Variants in CPE observed in about 807,000 individuals in gnomAD.
The protein encoded by CPE is carboxypeptidase E, also known as carbocypeptidase E.
Under a neutral mutation model 53.5 loss-of-function variants are expected in CPE, and 17 were observed. The observed-to-expected ratio is 0.32, with a 90% CI of 0.22 to 0.48. CPE has a LOEUF of 0.48. Ranked by LOEUF, CPE falls within the 20% of genes least tolerant of loss-of-function variation. CPE has a pLI of 0.99. For missense variants in CPE, 524 were observed against 614.7 expected, an observed-to-expected ratio of 0.85 and a Z score of 1.56; for synonymous variants, 226 against 228.8, an observed-to-expected ratio of 0.99 and a Z score of 0.11.
chr4:165,495,662 C>T lies in CPE; in HGVS notation c.1317C>T (p.Tyr439=), dbSNP rs1389518362. ...TAACAAAGAAAGTGGCAGTTCCTTA[C>T]AGCCCTGCTGCTGGGGTAAGTAATC... ...LAITKKVAVP[Y]SPAAGVDFEL... The change falls in exon 8 of 9, where the codon TAC becomes TAT. Residue 439 remains tyrosine, a synonymous_variant. Coordinates refer to ENST00000402744, the MANE Select transcript of CPE (RefSeq NM_001873.4). 7 of 1,610,600 alleles carry T rather than the reference C, an allele frequency of 4.3e-6. No homozygotes were observed. The highest frequency in any genetic ancestry group is 5.9e-6 in the Non-Finnish European group (7 of 1,177,676).
intron 6 of CPE, 59 bp from the exon 7 acceptor site, chr4:165,493,112 G>A (rs1194995386): frequency 1.9e-6 from 2 of 1,060,590 alleles, no homozygotes; most frequent in Non-Finnish European, 1.4e-6. Context: ...ACATATTTAA[G>A]GCCATTTCTA....
At chr4:165,434,134 C>G (rs753278993) in intron 1 of CPE, among the ~76,000 whole-genome samples, 1 of 150,704 alleles carries the variant, frequency 6.6e-6, no homozygotes, top group Non-Finnish European at 1.5e-5. Flanking sequence ...TCATTTATCT[C>G]AACTTTTTAA....
chr4:165,447,295 G>C (rs1459180382), intron 1 of CPE, among the ~76,000 whole-genome samples: 1 of 152,154 alleles, frequency 6.6e-6, no homozygotes, highest in Non-Finnish European at 1.5e-5. Flanking sequence ...TTATGGCCAG[G>C]AGTGGTGGCT....
At chr4:165,468,672 C>G (rs1041403109) in intron 3 of CPE, among the ~76,000 whole-genome samples, 2 of 152,142 alleles carry the variant, frequency 1.3e-5, no homozygotes, top group African/African-American at 4.8e-5. Context: ...AACTCATTCC[C>G]CTGCCTCAGC....
intron 1 of CPE, chr4:165,415,059 C>A (rs1341544639): frequency 6.1e-6 from 1 of 163,178 alleles, no homozygotes; most frequent in Non-Finnish European, 1.5e-5. Flanking sequence ...AATTTATCTC[C>A]TCCTTAGCCT....
chr4:165,414,362 A>G (rs2126669538), intron 1 of CPE, among the ~76,000 whole-genome samples: 1 of 152,344 alleles, frequency 6.6e-6, no homozygotes, highest in East Asian at 1.9e-4. Flanking sequence ...GATAAATAGG[A>G]TGATCTGCTT....
chr4:165,479,908 C>T (rs892377533), intron 3 of CPE, among the ~76,000 whole-genome samples: 2 of 150,118 alleles, frequency 1.3e-5, no homozygotes, highest in Non-Finnish European at 1.5e-5. Context: ...AGGAGAATGG[C>T]GTGAACCCGG....
chr4:165,488,470 T>C (rs1732545888), intron 6 of CPE, among the ~76,000 whole-genome samples: 1 of 152,142 alleles, frequency 6.6e-6, no homozygotes, highest in African/African-American at 2.4e-5. Flanking sequence ...ACCCCCTGCA[T>C]AGTATGTAGA....
At chr4:165,442,680 CG>C (rs751159371) in intron 1 of CPE, among the ~76,000 whole-genome samples, 15 of 152,096 alleles carry the variant, frequency 9.9e-5, no homozygotes, top group Non-Finnish European at 2.2e-4. Flanking sequence ...TGTTATTTCC[CG>C]GGACAGTACA....
intron 1 of CPE, among the ~76,000 whole-genome samples, chr4:165,414,062 T>A (rs1420590896): frequency 1.3e-5 from 2 of 152,204 alleles, no homozygotes; most frequent in Non-Finnish European, 1.5e-5. Flanking sequence ...TTGTTATTTT[T>A]CTCAAAAGAT....
At chr4:165,494,827 A>G (rs1005560685) in intron 7 of CPE, among the ~76,000 whole-genome samples, 4 of 152,172 alleles carry the variant, frequency 2.6e-5, no homozygotes, top group African/African-American at 7.2e-5. Context: ...TTGCAATGAA[A>G]TAAGATGTAA....
chr4:165,417,054 A>T (rs532167218), intron 1 of CPE, among the ~76,000 whole-genome samples: 18 of 152,274 alleles, frequency 1.2e-4, no homozygotes, highest in African/African-American at 4.1e-4. Context: ...TTTACAAAAG[A>T]TGCAAATAAA....
intron 1 of CPE, among the ~76,000 whole-genome samples, chr4:165,423,732 C>T (rs1263361140): frequency 1.3e-5 from 2 of 151,338 alleles, no homozygotes; most frequent in African/African-American, 2.4e-5. Flanking sequence ...CATGCTGGTG[C>T]GCTGCACCCA....
At chr4:165,469,092 CATTTCAGTGTA>C (rs765918023) in intron 3 of CPE, among the ~76,000 whole-genome samples, 20 of 152,118 alleles carry the variant, frequency 1.3e-4, no homozygotes, top group Non-Finnish European at 2.5e-4. Context: ...CTTTTATTAC[CATTTCAGTGTA>C]ATTTTTTGGT....
intron 1 of CPE, among the ~76,000 whole-genome samples, chr4:165,446,294 G>C (rs554062728): frequency 6.6e-6 from 1 of 152,252 alleles, no homozygotes; most frequent in South Asian, 2.1e-4. Flanking sequence ...AGTTTAGACT[G>C]AGAAAATATT....
At chr4:165,414,389 T>C (rs1731088627) in intron 1 of CPE, among the ~76,000 whole-genome samples, 1 of 152,200 alleles carries the variant, frequency 6.6e-6, no homozygotes, top group Admixed American at 6.5e-5. Flanking sequence ...AGAGTAAGTT[T>C]ATAGAGTCAG....
In CPE at chr4:165,495,229, G is replaced by A. The variant is rs150790760; in HGVS notation, c.1214-330G>A. Among the ~76,000 whole-genome samples the A allele has an allele frequency of 3.5e-3, 526 of 152,304 alleles. 4 individuals carry two copies. Among genetic ancestry groups the A allele is most frequent in the African/African-American group, 0.012 (492 of 41,566 alleles). On this transcript the variant is annotated intron_variant, in intron 7 of 8. Transcript: ENST00000402744. ...TGGCAAGAATCAAAACATGATGGCT[G>A]TATGTTCTGACCCTGCTGCTTGGGG... is the stretch of plus-strand genomic sequence containing the variant.
At chr4:165,486,772 GT>G (rs1455475894) in intron 5 of CPE, among the ~76,000 whole-genome samples, 1 of 151,990 alleles carries the variant, frequency 6.6e-6, no homozygotes, top group Non-Finnish European at 1.5e-5. Flanking sequence ...TTTTTCCTCT[GT>G]CCCCTTTGGT....
In CPE at chr4:165,487,807, T is replaced by C. The variant is rs140308646; in HGVS notation, c.1113+230T>C. On this transcript the variant is annotated intron_variant, in intron 6 of 8. Coordinates refer to ENST00000402744, the MANE Select transcript of CPE (RefSeq NM_001873.4). ...AACTGGAGAGTATACAGAAAAGACG[T>C]AGACTCTCGTTTCTGTTTGTATTAT... 9.2e-5 allele frequency among the ~76,000 whole-genome samples: 14 copies of C among 152,228 alleles called. No homozygotes were observed. The East Asian group carries it at 2.7e-3, about 29-fold the overall frequency.
Sources: allele counts gnomAD v4.1 joint callset (sites outside exome capture counted in the v4.1 genomes callset), GRCh38; gene constraint gnomAD v4.1.1; transcripts MANE v1.5; gene names NCBI Gene and HGNC (gene_info 2026-07-23, HGNC 2026-07-21).